Variants in SLC26A7 observed in about 807,000 individuals in gnomAD.
The protein encoded by SLC26A7 is solute carrier family 26 member 7, also known as anion exchange transporter.
A neutral mutation model predicts 82.5 loss-of-function variants in SLC26A7; 59 were observed. That is an observed-to-expected ratio of 0.72 (90% CI 0.58 to 0.89). SLC26A7 has a LOEUF of 0.89. Among genes scored for constraint, SLC26A7 ranks in the 40% least tolerant of loss-of-function variants. SLC26A7 has a pLI of 0.00. For missense variants in SLC26A7, 820 were observed against 793.0 expected (o/e 1.03, Z -0.41); for synonymous variants, 271 against 274.3 (o/e 0.99, Z 0.12).
chr8:91,385,164 T>C (rs1235271775), intron 15 of SLC26A7, among the ~76,000 whole-genome samples: 1 of 152,202 alleles, frequency 6.6e-6, no homozygotes, highest in African/African-American at 2.4e-5. Flanking sequence ...ATAAAGCCCA[T>C]CATTTACCAC....
intron 15 of SLC26A7, among the ~76,000 whole-genome samples, chr8:91,381,344 A>G (rs1814665756): frequency 6.6e-6 from 1 of 152,178 alleles, no homozygotes; most frequent in African/African-American, 2.4e-5. Flanking sequence ...ATACAACATA[A>G]TAAAATAGAA....
intron 2 of SLC26A7, among the ~76,000 whole-genome samples, chr8:91,238,648 G>C (rs1311587506): frequency 6.6e-6 from 1 of 151,416 alleles, no homozygotes; most frequent in Non-Finnish European, 1.5e-5. Context: ...TTTAGACCTT[G>C]AGCTCTTAAG....
At chr8:91,253,473 G>T (rs1177491898) in intron 2 of SLC26A7, among the ~76,000 whole-genome samples, 1 of 151,810 alleles carries the variant, frequency 6.6e-6, no homozygotes, top group Non-Finnish European at 1.5e-5. Flanking sequence ...TCCTTATTCT[G>T]TCTCCACCTG....
chr8:91,226,622 A>G (rs1440967608), intron 2 of SLC26A7, among the ~76,000 whole-genome samples: 3 of 152,260 alleles, frequency 2.0e-5, no homozygotes, highest in Non-Finnish European at 4.4e-5. Flanking sequence ...ATATGGCATG[A>G]ACAAAACTGG....
At chr8:91,356,415 G>T (rs950356874) in intron 11 of SLC26A7, among the ~76,000 whole-genome samples, 3 of 151,704 alleles carry the variant, frequency 2.0e-5, no homozygotes, top group African/African-American at 7.3e-5. Context: ...TTTAATGATC[G>T]CCATTCTAAC....
At chr8:91,389,234 T>A (rs534807497) in intron 15 of SLC26A7, 104 bp from the exon 16 acceptor site, 4 of 728,730 alleles carry the variant, frequency 5.5e-6, no homozygotes, top group Non-Finnish European at 4.9e-6. Flanking sequence ...TTAGAATTAC[T>A]GTTGTTAAAC....
chr8:91,374,200 T>A (rs1019268110), intron 15 of SLC26A7, among the ~76,000 whole-genome samples: 1 of 151,392 alleles, frequency 6.6e-6, no homozygotes, highest in Non-Finnish European at 1.5e-5. Context: ...CTCCTTGGTA[T>A]TTTTTTTGTC....
intron 7 of SLC26A7, among the ~76,000 whole-genome samples, chr8:91,340,002 T>C (rs779492869): frequency 6.6e-6 from 1 of 152,180 alleles, no homozygotes; most frequent in Non-Finnish European, 1.5e-5. Context: ...AACCAGTGTT[T>C]GCATACAGCA....
intron 2 of SLC26A7, among the ~76,000 whole-genome samples, chr8:91,271,011 G>C (rs1415832803): frequency 6.6e-6 from 1 of 152,220 alleles, no homozygotes; most frequent in East Asian, 1.9e-4. Flanking sequence ...CAATTCTGCT[G>C]TAGTCATAAT....
chr8:91,310,951 T>C (rs1040149177), intron 4 of SLC26A7, among the ~76,000 whole-genome samples: 4 of 152,124 alleles, frequency 2.6e-5, no homozygotes, highest in Middle Eastern at 3.2e-3. Flanking sequence ...AGCTTTCTAA[T>C]AAACTTTCAA....
chr8:91,289,350 C>A, intron 3 of SLC26A7, 104 bp downstream of exon 3: 1 of 853,096 alleles, frequency 1.2e-6, no homozygotes, highest in Non-Finnish European at 1.9e-6. Flanking sequence ...TGCTGAAAAC[C>A]ACAGCAAATA....
intron 15 of SLC26A7, among the ~76,000 whole-genome samples, chr8:91,387,196 C>T (rs1412706318): frequency 6.6e-6 from 1 of 152,070 alleles, no homozygotes; most frequent in Non-Finnish European, 1.5e-5. Flanking sequence ...TTTTCTATTT[C>T]CTGCAATCTT....
chr8:91,393,653 G>C (rs1808467089), intron 16 of SLC26A7, 144 bp from the exon 17 acceptor site: 1 of 792,760 alleles, frequency 1.3e-6, no homozygotes, highest in Non-Finnish European at 2.1e-6. Context: ...GATTATGCCT[G>C]ACTGTGTAAC....
chr8:91,343,988 G>C, intron 9 of SLC26A7: 2 of 915,886 alleles, frequency 2.2e-6, no homozygotes, highest in Non-Finnish European at 2.6e-6. Flanking sequence ...GATATACCAG[G>C]CATTCTGCTG....
intron 11 of SLC26A7, among the ~76,000 whole-genome samples, chr8:91,356,522 G>A (rs1268381664): frequency 6.6e-6 from 1 of 152,180 alleles, no homozygotes; most frequent in Non-Finnish European, 1.5e-5. Flanking sequence ...CTGCATAAAT[G>A]TCTTCTTTTG....
At chr8:91,359,807 G>A (rs1033993405) in intron 11 of SLC26A7, among the ~76,000 whole-genome samples, 12 of 151,986 alleles carry the variant, frequency 7.9e-5, no homozygotes, top group African/African-American at 2.7e-4. Context: ...TACCCAATAC[G>A]TATAATGTCT....
chr8:91,303,102 A>G lies in SLC26A7; in HGVS notation c.477+7399A>G, dbSNP rs113011050. Among the ~76,000 whole-genome samples the G allele has an allele frequency of 1.5e-3, 224 of 152,258 alleles. 2 individuals carry two copies. Among genetic ancestry groups the G allele is most frequent in the African/African-American group, 5.3e-3 (220 of 41,562 alleles). On this transcript the variant is annotated intron_variant, in intron 4 of 18. Coordinates refer to ENST00000276609, the MANE Select transcript of SLC26A7 (RefSeq NM_052832.4). ...TATTACTTTACACAAGGAAAAGACA[A>G]TTTTTCTAGCTAAAAACAGTAAAAA...
intron 9 of SLC26A7, among the ~76,000 whole-genome samples, chr8:91,346,982 G>T (rs10092223): frequency 0.36 from 54,539 of 151,934 alleles, 10,456 homozygotes; most frequent in African/African-American, 0.47. Context: ...GACATTAAAT[G>T]TTCATTATTG....
chr8:91,273,346 A>T (rs1393326283), intron 2 of SLC26A7, among the ~76,000 whole-genome samples: 1 of 152,176 alleles, frequency 6.6e-6, no homozygotes, highest in African/African-American at 2.4e-5. Context: ...ATTGGATCAG[A>T]TAATTAATGG....
Sources: allele counts gnomAD v4.1 joint callset (sites outside exome capture counted in the v4.1 genomes callset), GRCh38; gene constraint gnomAD v4.1.1; transcripts MANE v1.5; gene names NCBI Gene and HGNC (gene_info 2026-07-23, HGNC 2026-07-21).